The following SHISA9 variants were observed in gnomAD, a reference collection of about 807,000 sequenced individuals.
The protein encoded by SHISA9 is shisa family member 9.
SHISA9 carries 13 observed loss-of-function variants against 38.0 expected under a neutral mutation model. That is an observed-to-expected ratio of 0.34 (90% CI 0.22 to 0.54). The LOEUF (loss-of-function observed/expected upper bound fraction) is 0.54. Among genes scored for constraint, SHISA9 ranks in the 20% least tolerant of loss-of-function variants. The pLI is 0.91. For missense variants in SHISA9, 538 were observed against 575.8 expected, an observed-to-expected ratio of 0.93 and a Z score of 0.67; for synonymous variants, 275 against 242.0, an observed-to-expected ratio of 1.14 and a Z score of -1.27.
chr16:12,988,065 AC>A (rs1192085767), intron 2 of SHISA9, among the ~76,000 whole-genome samples: 1 of 152,200 alleles, frequency 6.6e-6, no homozygotes, highest in Non-Finnish European at 1.5e-5. Flanking sequence ...AGACAGCAAG[AC>A]CCTGAAGCCA....
intron 3 of SHISA9, among the ~76,000 whole-genome samples, chr16:13,207,732 G>C (rs2051079431): frequency 6.6e-6 from 1 of 152,284 alleles, no homozygotes; most frequent in South Asian, 2.1e-4. Flanking sequence ...TCCAGCATCT[G>C]CCTGCACATA....
the SHISA9 span, among the ~76,000 whole-genome samples, chr16:13,336,658 A>G: frequency 2.6e-5 from 4 of 152,218 alleles, no homozygotes; most frequent in Non-Finnish European, 5.9e-5. Context: ...AGAGCCATCA[A>G]TTTAGCTGTG....
intron 2 of SHISA9, among the ~76,000 whole-genome samples, chr16:12,996,829 A>C (rs2072462951): frequency 6.6e-6 from 1 of 152,196 alleles, no homozygotes; most frequent in Admixed American, 6.5e-5. Flanking sequence ...AATTTTAAAA[A>C]AAGTTTCGTG....
intron 2 of SHISA9, among the ~76,000 whole-genome samples, chr16:13,064,912 C>T (rs906068399): frequency 6.6e-6 from 1 of 152,050 alleles, no homozygotes; most frequent in Non-Finnish European, 1.5e-5. Context: ...TGGGGAGGGG[C>T]AGCCTCACTG....
Position 13,082,958 on chromosome 16 carries a change from G to A in SHISA9, c.692-120436G>A, listed in dbSNP as rs115788526. ...TTTTGATGTAGAAATTGGGGTTTGG[G>A]CCAACTTTTCCACTGGCTGTCTTCT... On this transcript the variant is annotated intron_variant, in intron 2 of 4. Coordinates refer to ENST00000558583, the MANE Select transcript of SHISA9 (RefSeq NM_001145204.3). Among the ~76,000 whole-genome samples the A allele has an allele frequency of 3.9e-3, 597 of 152,242 alleles. 5 individuals carry two copies. Among genetic ancestry groups the A allele is most frequent in the African/African-American group, 0.014 (572 of 41,544 alleles).
At chr16:13,424,592 C>T in the SHISA9 span, among the ~76,000 whole-genome samples, 12 of 152,334 alleles carry the variant, frequency 7.9e-5, no homozygotes, top group South Asian at 6.2e-4. Flanking sequence ...AATCATATCC[C>T]GTCAGAAGTC....
the SHISA9 span, among the ~76,000 whole-genome samples, chr16:13,283,844 G>A: frequency 1.3e-3 from 205 of 152,056 alleles, no homozygotes; most frequent in African/African-American, 3.2e-3. Flanking sequence ...AACATCTCTC[G>A]GCACTCTTTT....
chr16:13,349,488 G>A, the SHISA9 span, among the ~76,000 whole-genome samples: 1 of 152,224 alleles, frequency 6.6e-6, no homozygotes, highest in Non-Finnish European at 1.5e-5. Context: ...CAAAGAGAAG[G>A]AGGAGGTACT....
intron 2 of SHISA9, among the ~76,000 whole-genome samples, chr16:13,173,130 T>C (rs757897908): frequency 4.7e-5 from 7 of 147,388 alleles, no homozygotes; most frequent in Non-Finnish European, 8.9e-5. Flanking sequence ...GAATTGTTTA[T>C]CAGTCAGAAG....
intron 2 of SHISA9, among the ~76,000 whole-genome samples, chr16:13,172,050 T>C (rs2050691256): frequency 6.6e-6 from 1 of 152,140 alleles, no homozygotes; most frequent in Non-Finnish European, 1.5e-5. Flanking sequence ...CTTTCTCTCC[T>C]TCCCTTCCTT....
At chr16:12,919,807 G>A (rs2071304727) in intron 2 of SHISA9, among the ~76,000 whole-genome samples, 1 of 152,124 alleles carries the variant, frequency 6.6e-6, no homozygotes, top group Non-Finnish European at 1.5e-5. Context: ...CAGTGATATT[G>A]CCTAAAAATA....
intron 2 of SHISA9, among the ~76,000 whole-genome samples, chr16:13,122,461 T>C (rs1431848511): frequency 6.6e-6 from 1 of 152,186 alleles, no homozygotes; most frequent in Admixed American, 6.5e-5. Context: ...CAGGCTGTGA[T>C]GGTCAAGGGG....
intron 3 of SHISA9, among the ~76,000 whole-genome samples, chr16:13,212,199 A>G (rs1219220012): frequency 2.0e-5 from 3 of 152,208 alleles, no homozygotes; most frequent in Non-Finnish European, 4.4e-5. Context: ...AAATAGTGCC[A>G]AACTGTTGAG....
chr16:13,229,275 TAATG>T (rs2142083184), intron 4 of SHISA9, among the ~76,000 whole-genome samples: 1 of 152,276 alleles, frequency 6.6e-6, no homozygotes, highest in African/African-American at 2.4e-5. Flanking sequence ...AGACGGATGA[TAATG>T]AATGAACTGC....
chr16:13,101,516 G>A (rs993561504), intron 2 of SHISA9, among the ~76,000 whole-genome samples: 22 of 152,196 alleles, frequency 1.4e-4, no homozygotes, highest in Non-Finnish European at 2.1e-4. Context: ...AACTGAAGGC[G>A]TCAGGCCAAT....
chr16:13,063,239 C>T (rs533992182), intron 2 of SHISA9, among the ~76,000 whole-genome samples: 72 of 152,206 alleles, frequency 4.7e-4, no homozygotes, highest in Non-Finnish European at 9.9e-4. Flanking sequence ...ATCTCCTGAC[C>T]TCGTGATCTG....
the SHISA9 span, among the ~76,000 whole-genome samples, chr16:13,550,034 A>AT: frequency 7.5e-4 from 113 of 151,418 alleles, 1 homozygote; most frequent in African/African-American, 2.2e-3. Context: ...AAAAAAAAAA[A>AT]AATAAAGTAT....
At chr16:13,382,885 T>A in the SHISA9 span, among the ~76,000 whole-genome samples, 3 of 152,118 alleles carry the variant, frequency 2.0e-5, no homozygotes, top group Non-Finnish European at 4.4e-5. Context: ...AAAGTAAATT[T>A]AAAAAATTGT....
the SHISA9 span, among the ~76,000 whole-genome samples, chr16:13,436,227 T>C: frequency 6.6e-6 from 1 of 152,206 alleles, no homozygotes; most frequent in African/African-American, 2.4e-5. Flanking sequence ...ACAAAGACCC[T>C]GCTAGTAAAA....
Sources: gnomAD v4.1 joint callset for allele counts (sites outside exome capture counted in the v4.1 genomes callset) on GRCh38, gnomAD v4.1.1 for gene constraint, MANE v1.5 for transcripts, NCBI Gene and HGNC (gene_info 2026-07-23, HGNC 2026-07-21) for gene names.